The following NPAS3 variants were observed in gnomAD, a reference collection of about 807,000 sequenced individuals.
NPAS3 encodes the protein neuronal PAS domain-containing protein 3.
A neutral mutation model predicts 73.1 loss-of-function variants in NPAS3; 14 were observed. That is an observed-to-expected ratio of 0.19 (90% CI 0.13 to 0.30). The LOEUF (loss-of-function observed/expected upper bound fraction) is 0.30, where lower values mean the gene tolerates loss of function less well. NPAS3 is among the 10% of genes least tolerant of loss of function. The pLI, the probability that NPAS3 is intolerant of heterozygous loss-of-function variation, is 1.00. For synonymous variants in NPAS3, 620 were observed against 541.5 expected (o/e 1.14, Z -2.01); for missense variants, 1,096 against 1,250.0 (o/e 0.88, Z 1.86).
At chr14:33,604,597 G>C (rs2057499158) in intron 5 of NPAS3, among the ~76,000 whole-genome samples, 1 of 152,008 alleles carries the variant, frequency 6.6e-6, no homozygotes, top group Non-Finnish European at 1.5e-5. Context: ...CTATCTACCA[G>C]CTTGACATTT....
chr14:33,704,235 A>G (rs2060598396), intron 6 of NPAS3, among the ~76,000 whole-genome samples: 2 of 152,236 alleles, frequency 1.3e-5, no homozygotes. Flanking sequence ...GAGTTATGAA[A>G]GTGTGTGTAC....
At chr14:33,677,583 T>C (rs760227838) in intron 6 of NPAS3, among the ~76,000 whole-genome samples, 1 of 150,604 alleles carries the variant, frequency 6.6e-6, no homozygotes, top group Non-Finnish European at 1.5e-5. Context: ...TTGGCCTGCC[T>C]AGAAGTAATC....
intron 5 of NPAS3, among the ~76,000 whole-genome samples, chr14:33,643,094 C>T (rs1487998689): frequency 6.6e-6 from 1 of 152,096 alleles, no homozygotes; most frequent in Non-Finnish European, 1.5e-5. Flanking sequence ...TCAGCTCTCA[C>T]TTTTCAATGC....
intron 4 of NPAS3, among the ~76,000 whole-genome samples, chr14:33,415,084 G>T (rs2048093564): frequency 6.6e-6 from 1 of 151,982 alleles, no homozygotes; most frequent in South Asian, 2.1e-4. Flanking sequence ...CTATACTTCT[G>T]CCCTTATGTT....
rs2059247181 is a variant in NPAS3, at chr14:33,659,567, C to T, written c.559-16644C>T. 2.0e-5 allele frequency among the ~76,000 whole-genome samples: 3 copies of T among 152,250 alleles called. No individual in the cohort carries two copies. The South Asian group carries it at 6.2e-4, about 32-fold the overall frequency. On this transcript the variant is annotated intron_variant, in intron 5 of 11. Transcript: ENST00000356141. ...AGCAAGAACTTATTAGCCTCAAAGA[C>T]AGAACTTCATTTCTAAATGACACAA...
intron 4 of NPAS3, among the ~76,000 whole-genome samples, chr14:33,442,445 A>C (rs2049295647): frequency 6.6e-6 from 1 of 152,128 alleles, no homozygotes; most frequent in Admixed American, 6.6e-5. Context: ...ACTACAGTTA[A>C]GCCAGGTGAT....
Position 33,604,896 on chromosome 14 carries a change from T to C in NPAS3, c.558+44686T>C, listed in dbSNP as rs141670737. Among the ~76,000 whole-genome samples, 351 of 152,204 alleles carry C rather than the reference T, an allele frequency of 2.3e-3. 4 individuals are homozygous for C. Among genetic ancestry groups the C allele is most frequent in the African/African-American group, 8.1e-3 (336 of 41,562 alleles). On this transcript the variant is annotated intron_variant, in intron 5 of 11. Transcript: ENST00000356141. The stretch of plus-strand genomic sequence containing the variant: ...TAAAAAGGGAAATTAAAATGTATTA[T>C]GAATGAAATAAAAATGAATGTAAAA...
intron 5 of NPAS3, among the ~76,000 whole-genome samples, chr14:33,565,066 T>TA (rs1376252617): frequency 6.6e-6 from 1 of 152,198 alleles, no homozygotes; most frequent in Non-Finnish European, 1.5e-5. Flanking sequence ...CAGACAAGGT[T>TA]ACAAATTGGC....
chr14:33,339,326 G>T (rs534858192), intron 3 of NPAS3, among the ~76,000 whole-genome samples: 1 of 152,216 alleles, frequency 6.6e-6, no homozygotes, highest in South Asian at 2.1e-4. Context: ...GGGGTGATCT[G>T]TTTTATTTTC....
chr14:33,479,005 A>G (rs2051180239), intron 4 of NPAS3, among the ~76,000 whole-genome samples: 1 of 152,208 alleles, frequency 6.6e-6, no homozygotes, highest in African/African-American at 2.4e-5. Flanking sequence ...ACAGCTAGGC[A>G]GCTTTCCTAA....
chr14:33,652,828 T>A (rs960373681), intron 5 of NPAS3, among the ~76,000 whole-genome samples: 2 of 152,164 alleles, frequency 1.3e-5, no homozygotes, highest in African/African-American at 4.8e-5. Flanking sequence ...ATTTATAGAT[T>A]TAGATGCAAT....
intron 2 of NPAS3, among the ~76,000 whole-genome samples, chr14:33,094,668 T>C (rs1042198899): frequency 1.1e-4 from 16 of 152,042 alleles, no homozygotes; most frequent in African/African-American, 3.9e-4. Context: ...GCTTCACCTT[T>C]TTGGCCAGGC....
chr14:33,670,527 T>A (rs1274197874), intron 5 of NPAS3, among the ~76,000 whole-genome samples: 2 of 151,950 alleles, frequency 1.3e-5, no homozygotes, highest in African/African-American at 4.8e-5. Context: ...AAGATACCGG[T>A]AAATCCAAAG....
intron 3 of NPAS3, among the ~76,000 whole-genome samples, chr14:33,335,754 A>G (rs1361887787): frequency 2.6e-5 from 4 of 152,184 alleles, no homozygotes; most frequent in African/African-American, 9.7e-5. Flanking sequence ...CCCTTATAGC[A>G]TACTACAGTC....
intron 3 of NPAS3, among the ~76,000 whole-genome samples, chr14:33,220,771 G>A (rs115552821): frequency 1.4e-3 from 218 of 152,272 alleles, no homozygotes; most frequent in African/African-American, 5.1e-3. Flanking sequence ...ATTATATATA[G>A]CATTGCTGGT....
At chr14:32,936,782 A>AT (rs2035708286), upstream of NPAS3, among the ~76,000 whole-genome samples, 2 of 152,084 alleles carry the variant, frequency 1.3e-5, no homozygotes, top group Non-Finnish European at 2.9e-5. Context: ...CTCAGAGAGA[A>AT]TTTTCCCTCA....
chr14:32,975,061 A>C (rs2037596349), intron 1 of NPAS3, among the ~76,000 whole-genome samples: 1 of 152,212 alleles, frequency 6.6e-6, no homozygotes, highest in Admixed American at 6.5e-5. Context: ...GAATAGTTTT[A>C]CAGAGTACCA....
intron 5 of NPAS3, among the ~76,000 whole-genome samples, chr14:33,668,631 C>T (rs1056600920): frequency 4.6e-5 from 7 of 152,186 alleles, no homozygotes; most frequent in African/African-American, 1.7e-4. Flanking sequence ...GCCTGGCCAA[C>T]ACGACAAAAC....
In NPAS3 at chr14:33,800,009, C is replaced by A; in HGVS notation, c.1702C>A (p.Arg568=). ...CTACGTGGAGAGCGAGTCGGACCTG[C>A]GGCTGCAGAACTGCGAGTCACTCAC... The change falls in exon 12 of 12, where the codon CGG becomes AGG. Residue 568 remains arginine, a synonymous_variant. Transcript: ENST00000356141. This position sits in a 1 kb window ranked among gnomAD's most constrained non-coding sequence, Gnocchi z 6.5. The A allele has an allele frequency of 6.2e-7, 1 of 1,612,192 alleles. No homozygotes were observed. Among genetic ancestry groups the A allele is most frequent in the Non-Finnish European group, 8.5e-7 (1 of 1,179,914 alleles).
Sources: allele counts gnomAD v4.1 joint callset (sites outside exome capture counted in the v4.1 genomes callset), GRCh38; gene constraint gnomAD v4.1.1; non-coding constraint Gnocchi (gnomAD v3.1); transcripts MANE v1.5; gene names NCBI Gene and HGNC (gene_info 2026-07-23, HGNC 2026-07-21).